The following LSM12 variants were observed in gnomAD, a reference collection of about 807,000 sequenced individuals.
LSM12 encodes the protein protein LSM12.
For synonymous variants in LSM12, 74 were observed against 87.3 expected, an observed-to-expected ratio of 0.85 and a Z score of 0.85; for missense variants, 108 against 238.9, an observed-to-expected ratio of 0.45 and a Z score of 3.61.
intron 2 of LSM12, among the ~76,000 whole-genome samples, chr17:44,046,566 G>A (rs1398463578): frequency 6.6e-6 from 1 of 150,770 alleles, no homozygotes; most frequent in East Asian, 2.1e-4. Context: ...AATCAGCCGG[G>A]GATGGTGGCG....
chr17:44,037,640 G>T, intron 3 of LSM12, 102 bp from the exon 4 acceptor site: 2 of 1,383,430 alleles, frequency 1.4e-6, no homozygotes, highest in Non-Finnish European at 1.9e-6. Flanking sequence ...CAAGTTCCCA[G>T]CTCACCACTC....
At chr17:44,067,486 G>A (rs2049893927), upstream of LSM12, 1 of 152,100 alleles carries the variant, frequency 6.6e-6, no homozygotes, top group Non-Finnish European at 1.5e-5. Flanking sequence ...CACTTCTTGA[G>A]CATCTAACAG....
intron 2 of LSM12, among the ~76,000 whole-genome samples, chr17:44,062,960 C>T (rs1259677836): frequency 1.3e-5 from 2 of 151,756 alleles, no homozygotes; most frequent in South Asian, 2.1e-4. Context: ...GTCCCAACTA[C>T]TCCAGAGGCT....
intron 2 of LSM12, among the ~76,000 whole-genome samples, chr17:44,041,650 T>C (rs955262231): frequency 1.3e-5 from 2 of 152,104 alleles, no homozygotes; most frequent in African/African-American, 2.4e-5. Context: ...CACAAACTGA[T>C]CAAAAGAAAA....
intron 2 of LSM12, among the ~76,000 whole-genome samples, chr17:44,055,695 T>C (rs2049703371): frequency 1.4e-5 from 2 of 144,270 alleles, no homozygotes; most frequent in Non-Finnish European, 3.0e-5. Flanking sequence ...ATATAAAATA[T>C]ATATATATAA....
In LSM12 at chr17:44,040,270, G is replaced by A. The variant is rs752637508; in HGVS notation, c.259-14C>T. ...TTTGCTGGCAAGCTAGGGTGGAAGA[G>A]AGGAAAGAGACTCAGAATAGGATTC... On this transcript the variant is annotated splice_polypyrimidine_tract_variant and intron_variant, in intron 2 of 4. Coordinates refer to ENST00000293406, the MANE Select transcript of LSM12 (RefSeq NM_001371445.1). The A allele has an allele frequency of 1.4e-5, 22 of 1,592,726 alleles. 1 individual carries two copies. The South Asian group carries it at 1.8e-4, about 13-fold the overall frequency.
chr17:44,063,718 T>C (rs1273889324), intron 2 of LSM12, 83 bp downstream of exon 2: 32 of 1,374,140 alleles, frequency 2.3e-5, no homozygotes, highest in Admixed American at 5.2e-5. Context: ...AAATAAAAAA[T>C]AGACAACAAT....
intron 2 of LSM12, among the ~76,000 whole-genome samples, chr17:44,060,521 CG>C (rs908298576): frequency 2.0e-5 from 3 of 152,158 alleles, no homozygotes; most frequent in African/African-American, 7.2e-5. Flanking sequence ...TCTCTGCAAA[CG>C]GAAGAATGAA....
At chr17:44,064,028 T>C in intron 1 of LSM12, 94 bp from the exon 2 acceptor site, 5 of 1,433,484 alleles carry the variant, frequency 3.5e-6, no homozygotes, top group Non-Finnish European at 4.8e-6. Context: ...CACACAAGGC[T>C]TGTAAAAGGC....
chr17:44,052,398 C>T (rs2049656800), intron 2 of LSM12, among the ~76,000 whole-genome samples: 4 of 151,962 alleles, frequency 2.6e-5, no homozygotes, highest in South Asian at 2.1e-4. Context: ...GTGGGAGGAT[C>T]GCTTGAGCCC....
chr17:44,040,032 C>T, intron 3 of LSM12, 115 bp downstream of exon 3: 1 of 697,110 alleles, frequency 1.4e-6, no homozygotes, highest in Non-Finnish European at 2.5e-6. Context: ...TGCCAATACC[C>T]TACCCAGCTT....
chr17:44,041,037 C>T (rs904548300), intron 2 of LSM12, among the ~76,000 whole-genome samples: 3 of 138,774 alleles, frequency 2.2e-5, no homozygotes, highest in Admixed American at 1.4e-4. Context: ...ACACACACTT[C>T]TAACTGGGTG....
In LSM12 at chr17:44,041,343, A is replaced by ACACG. The variant is rs1378942211; in HGVS notation, c.259-1088_259-1087insCGTG. Among the ~76,000 whole-genome samples, 10 of 151,160 alleles carry ACACG rather than the reference A, an allele frequency of 6.6e-5. 1 individual carries two copies. The highest frequency in any genetic ancestry group is 1.2e-4 in the Non-Finnish European group (8 of 67,788). On this transcript the variant is annotated intron_variant, in intron 2 of 4. Transcript: ENST00000293406. ...CACACACACACACACAAACACACAC[A>ACACG]CACACACAGAATTTCCATTCAAGGC...
At chr17:44,040,490 T>C in intron 2 of LSM12, 1 of 453,286 alleles carries the variant, frequency 2.2e-6, no homozygotes, top group South Asian at 2.2e-5. Flanking sequence ...ACCTACCATG[T>C]GCCAGACATT....
chr17:44,055,674 CAAATATATATATATA>C (rs937759415), intron 2 of LSM12, among the ~76,000 whole-genome samples: 2 of 141,910 alleles, frequency 1.4e-5, no homozygotes, highest in African/African-American at 2.7e-5. Context: ...GACCCTGTCT[CAAATATATATATATA>C]AAATATATAT....
At chr17:44,051,992 C>G (rs2049650673) in intron 2 of LSM12, among the ~76,000 whole-genome samples, 1 of 152,054 alleles carries the variant, frequency 6.6e-6, no homozygotes, top group African/African-American at 2.4e-5. Flanking sequence ...CCTGTAATCC[C>G]AGCTACCTGG....
At chr17:44,046,468 G>A (rs985797409) in intron 2 of LSM12, among the ~76,000 whole-genome samples, 9 of 151,174 alleles carry the variant, frequency 6.0e-5, no homozygotes, top group African/African-American at 1.9e-4. Flanking sequence ...AGCACTTTGG[G>A]AGGCCGAGGC....
intron 2 of LSM12, among the ~76,000 whole-genome samples, chr17:44,062,928 G>C (rs2144115188): frequency 6.6e-6 from 1 of 152,120 alleles, no homozygotes; most frequent in South Asian, 2.1e-4. Context: ...AATTTGGCCA[G>C]GCGTCGTGGC....
intron 2 of LSM12, among the ~76,000 whole-genome samples, chr17:44,056,907 C>T (rs1274727384): frequency 6.6e-6 from 1 of 152,068 alleles, no homozygotes; most frequent in Non-Finnish European, 1.5e-5. Flanking sequence ...AGGAGAATCA[C>T]TTGAACCCGG....
Sources: allele counts gnomAD v4.1 joint callset (sites outside exome capture counted in the v4.1 genomes callset), GRCh38; gene constraint gnomAD v4.1.1; transcripts MANE v1.5; gene names NCBI Gene and HGNC (gene_info 2026-07-23, HGNC 2026-07-21).